The following GMCL1 variants were observed in gnomAD, a reference collection of about 807,000 sequenced individuals.
The protein encoded by GMCL1 is germ cell-less protein-like 1.
GMCL1 carries 54 observed loss-of-function variants against 75.5 expected under a neutral mutation model. That is an observed-to-expected ratio of 0.71 (90% confidence interval 0.57 to 0.90). GMCL1 has a LOEUF of 0.90. GMCL1 is among the 40% of genes least tolerant of loss of function. The probability of loss-of-function intolerance (pLI) is 0.00; values close to 1 mark genes in which losing one functional copy is unlikely to be tolerated. For synonymous variants in GMCL1, 210 were observed against 209.6 expected (o/e 1.00, Z -0.02); for missense variants, 537 against 622.7 (o/e 0.86, Z 1.47).
chr2:69,841,621 G>A (rs1573345902), intron 4 of GMCL1, among the ~76,000 whole-genome samples: 1 of 152,116 alleles, frequency 6.6e-6, no homozygotes, highest in Non-Finnish European at 1.5e-5. Flanking sequence ...AGAGGGGAGG[G>A]AGGGTTGATA....
intron 9 of GMCL1, among the ~76,000 whole-genome samples, chr2:69,859,805 G>GTCACCGGA (rs1418513253): frequency 6.9e-6 from 1 of 145,306 alleles, no homozygotes; most frequent in African/African-American, 2.6e-5. Context: ...ATCATTGGAA[G>GTCACCGGA]TCACCGGATT....
chr2:69,844,073 A>T (rs1225199466), intron 5 of GMCL1, 58 bp from the exon 6 acceptor site: 1 of 795,008 alleles, frequency 1.3e-6, no homozygotes, highest in East Asian at 3.0e-5. Flanking sequence ...TATAAGTCCT[A>T]CTTAATAAAT....
intron 10 of GMCL1, among the ~76,000 whole-genome samples, chr2:69,864,502 G>T (rs2104024356): frequency 6.7e-6 from 1 of 150,226 alleles, no homozygotes; most frequent in Admixed American, 6.6e-5. Context: ...TGTGAAACAA[G>T]TAATATTAAG....
At chr2:69,870,714 C>T (rs1675959581) in intron 12 of GMCL1, among the ~76,000 whole-genome samples, 1 of 152,100 alleles carries the variant, frequency 6.6e-6, no homozygotes, top group South Asian at 2.1e-4. Context: ...CTTCCATAAA[C>T]ATTTCTCCAA....
At chr2:69,845,088 G>A (rs1301985663) in intron 6 of GMCL1, among the ~76,000 whole-genome samples, 2 of 152,194 alleles carry the variant, frequency 1.3e-5, no homozygotes, top group African/African-American at 2.4e-5. Flanking sequence ...GCAACATAGT[G>A]ACATCCCCTC....
chr2:69,852,087 A>G (rs1675334468), intron 8 of GMCL1, among the ~76,000 whole-genome samples: 1 of 152,238 alleles, frequency 6.6e-6, no homozygotes, highest in African/African-American at 2.4e-5. Flanking sequence ...ATTTAAATAG[A>G]AGAGAGAGAA....
At chr2:69,831,631 A>C (rs1161018137) in intron 1 of GMCL1, among the ~76,000 whole-genome samples, 1 of 151,066 alleles carries the variant, frequency 6.6e-6, no homozygotes, top group Non-Finnish European at 1.5e-5. Flanking sequence ...ATTTTGAGAC[A>C]GGGTCTCGCT....
intron 1 of GMCL1, among the ~76,000 whole-genome samples, chr2:69,832,152 C>T (rs1397036065): frequency 1.3e-5 from 2 of 150,790 alleles, no homozygotes; most frequent in Admixed American, 6.6e-5. Context: ...ACCTGGGAGG[C>T]GAGGTTGCAG....
intron 8 of GMCL1, among the ~76,000 whole-genome samples, chr2:69,851,173 A>G (rs1260881483): frequency 6.6e-6 from 1 of 152,186 alleles, no homozygotes; most frequent in East Asian, 1.9e-4. Flanking sequence ...GCCGTGGCTC[A>G]TGCCTGTAAT....
Position 69,837,664 on chromosome 2 carries a change from A to G in GMCL1, c.378A>G (p.Leu126=), listed in dbSNP as rs756770090. The part of the protein sequence containing the change: ...GEEWSLHKIY[L]CQSGYFSSMF... The stretch of plus-strand genomic sequence containing the variant: ...AATGGAGCTTACACAAAATATATTT[A>G]TGTCAAGTAAGTATTTTTTCTATTT... Residue 126 remains leucine (L), a synonymous_variant, in exon 2 of 14, where the codon TTA becomes TTG. Transcript: ENST00000282570. The G allele has an allele frequency of 6.3e-7, 1 of 1,594,672 alleles. No homozygotes were observed. The highest frequency in any genetic ancestry group is 1.4e-5 in the African/African-American group (1 of 73,598).
intron 13 of GMCL1, among the ~76,000 whole-genome samples, chr2:69,877,783 C>T (rs1676166607): frequency 6.6e-6 from 1 of 151,254 alleles, no homozygotes. Context: ...CTTCTTGTTC[C>T]CTCAACACAG....
At chr2:69,877,211 A>C (rs921173387) in intron 13 of GMCL1, among the ~76,000 whole-genome samples, 8 of 152,184 alleles carry the variant, frequency 5.3e-5, no homozygotes, top group South Asian at 2.1e-4. Context: ...TTTAGGTGAA[A>C]CAACAGATTT....
intron 13 of GMCL1, among the ~76,000 whole-genome samples, chr2:69,874,388 G>C (rs925234587): frequency 4.6e-5 from 7 of 152,060 alleles, no homozygotes; most frequent in African/African-American, 1.7e-4. Context: ...TTTTGAGACA[G>C]AGTCTTGCTC....
In GMCL1 at chr2:69,879,087, G is replaced by A. The variant is rs957048972; in HGVS notation, c.*83G>A. ...AGCACTTTGAAAACTTTTTAGGCCA[G>A]CTTTAATTTAATGGCCCTACTGATA... On this transcript the variant is annotated 3_prime_UTR_variant, in exon 14 of 14. Transcript: ENST00000282570. 2 of 817,880 alleles carry A rather than the reference G, an allele frequency of 2.4e-6. No individual in the cohort carries two copies. Among genetic ancestry groups the A allele is most frequent in the African/African-American group, 3.4e-5 (2 of 58,182 alleles). 50.7% of individuals were successfully genotyped at this position (817,880 alleles called of 1,614,324 possible).
At chr2:69,874,719 A>G (rs1398146931) in intron 13 of GMCL1, among the ~76,000 whole-genome samples, 1 of 149,178 alleles carries the variant, frequency 6.7e-6, no homozygotes, top group African/African-American at 2.5e-5. Flanking sequence ...TTAAAAATAC[A>G]TTTGTGATAC....
intron 10 of GMCL1, 73 bp downstream of exon 10, chr2:69,861,420 G>GA (rs527881970): frequency 1.1e-5 from 10 of 883,374 alleles, no homozygotes; most frequent in Non-Finnish European, 1.8e-5. Flanking sequence ...TCATTATGTT[G>GA]AAAAATCATT....
Position 69,880,172 on chromosome 2 carries a change from T to G in GMCL1, c.*1168T>G, listed in dbSNP as rs1676241185. 1 of 152,214 alleles carries G rather than the reference T, an allele frequency of 6.6e-6. No individual in the cohort carries two copies. The highest frequency in any genetic ancestry group is 2.4e-5 in the African/African-American group (1 of 41,456). The allele number at this position is 152,214 out of a possible 1,614,324, so 9.4% of individuals were successfully genotyped here. On this transcript the variant is annotated 3_prime_UTR_variant, in exon 14 of 14. Transcript: ENST00000282570. Reference sequence around the variant, plus strand: ...TTTCCAGTTAGAGTAAGTACTTCTGTGGTTAATGTATATTTTTATTATGGT... The same window carrying G: ...TTTCCAGTTAGAGTAAGTACTTCTGGGGTTAATGTATATTTTTATTATGGT...
chr2:69,837,630 T>C lies in GMCL1; in HGVS notation c.344T>C (p.Leu115Pro). ...GENSDIKICA[L>P]GEEWSLHKIY... ...AACAGTGACATTAAGATTTGTGCTC[T>C]AGGAGAAGAATGGAGCTTACACAAA... Residue 115 changes from leucine to proline, a missense_variant, in exon 2 of 14, where the codon CTA (leucine) becomes CCA (proline). Physicochemically the swap from Leu to Pro is moderately conservative, Grantham distance 98. Around this residue, in one of 3 missense-constraint regions of GMCL1, gnomAD observed 48 missense variants for 85.0 expected, o/e 0.56. Transcript: ENST00000282570. 1 of 1,606,058 alleles carries C rather than the reference T, an allele frequency of 6.2e-7. No individual in the cohort carries two copies. The highest frequency in any genetic ancestry group is 8.5e-7 in the Non-Finnish European group (1 of 1,177,732).
chr2:69,854,849 AC>A lies in GMCL1; in HGVS notation c.962del (p.Thr321MetfsTer14). On this transcript the variant is annotated frameshift_variant, in exon 9 of 14. Coordinates refer to ENST00000282570, the MANE Select transcript of GMCL1 (RefSeq NM_178439.5). LOFTEE classifies it high-confidence loss of function. ...KDFEGMAFLE[T>X]EQGKPFVSVF... The stretch of plus-strand genomic sequence containing the variant: ...TTTTGAAGGTATGGCCTTTCTTGAA[AC>A]TGAACAAGGAAAACCATTTGTGTCA... 6.2e-7 allele frequency: 1 copy of A among 1,610,458 alleles called. No individual in the cohort carries two copies. Among genetic ancestry groups the A allele is most frequent in the Non-Finnish European group, 8.5e-7 (1 of 1,178,908 alleles).
Sources: gnomAD v4.1 joint callset for allele counts (sites outside exome capture counted in the v4.1 genomes callset) on GRCh38, gnomAD v4.1.1 for gene constraint, gnomAD v4.1.1 regional missense constraint, MANE v1.5 for transcripts, NCBI Gene and HGNC (gene_info 2026-07-23, HGNC 2026-07-21) for gene names.